The following CCNY variants were observed in gnomAD, a reference collection of about 807,000 sequenced individuals.
The protein encoded by CCNY is cyclin-Y.
In CCNY, 19 loss-of-function variants were observed where a neutral mutation model predicts 42.8. The observed-to-expected ratio is 0.44, with a 90% CI of 0.31 to 0.65. The LOEUF is 0.65. CCNY is among the 30% of genes least tolerant of loss of function. The pLI, the probability that CCNY is intolerant of heterozygous loss-of-function variation, is 0.07. For synonymous variants in CCNY, 165 were observed against 162.7 expected (o/e 1.01, Z -0.11); for missense variants, 370 against 437.3 (o/e 0.85, Z 1.37).
chr10:35,424,238 C>T (rs527519839), intron 1 of CCNY, among the ~76,000 whole-genome samples: 1 of 152,208 alleles, frequency 6.6e-6, no homozygotes, highest in South Asian at 2.1e-4. Context: ...CTTTTCTTTT[C>T]TTTTTGAGAC....
chr10:35,482,953 A>G (rs1438593973), intron 1 of CCNY, among the ~76,000 whole-genome samples: 2 of 152,038 alleles, frequency 1.3e-5, no homozygotes, highest in Non-Finnish European at 2.9e-5. Context: ...TTTTTCAGAA[A>G]ATAATTAAGC....
chr10:35,558,323 A>G (rs978620322), intron 8 of CCNY, among the ~76,000 whole-genome samples: 1 of 152,256 alleles, frequency 6.6e-6, no homozygotes, highest in African/African-American at 2.4e-5. Flanking sequence ...GAACCTGCAC[A>G]CACAGATTTG....
At position 35,518,958 on chromosome 10, in the gene CCNY, A is replaced by G. The variant is rs532180087; in HGVS notation, c.365+2335A>G. 4.1e-5 allele frequency among the ~76,000 whole-genome samples: 6 copies of G among 147,484 alleles called. No individual in the cohort carries two copies. In the South Asian group the frequency reaches 1.3e-3, roughly 32 times the overall value. On this transcript the variant is annotated intron_variant, in intron 4 of 9. Coordinates refer to ENST00000374704, the MANE Select transcript of CCNY (RefSeq NM_145012.6). ...AATCTGGCTGAGGTATACTGTGGGTATCTGGATTTTTAACAGATCTTGATT... is the reference window on the plus strand; with the variant it reads ...AATCTGGCTGAGGTATACTGTGGGTGTCTGGATTTTTAACAGATCTTGATT...
In CCNY at chr10:35,304,308, T is replaced by TTA. The variant is rs1170823913; in HGVS notation, c.-9+53683_-9+53684insAT. On this transcript the variant is annotated intron_variant, in intron 3 of 11. Transcript: ENST00000374706. The stretch of plus-strand genomic sequence containing the variant: ...TTTCTCCTTTTATTTTTTTTTTTTT[T>TTA]TTATTTTTTATTTTTTTTTGAGACG... 1.8e-5 allele frequency among the ~76,000 whole-genome samples: 2 copies of TTA among 108,460 alleles called. 1 individual carries two copies. Among genetic ancestry groups the TTA allele is most frequent in the African/African-American group, 9.3e-5 (2 of 21,414 alleles). The allele number at this position is 108,460 out of a possible 152,430, so 71.2% of individuals were successfully genotyped here.
intron 1 of CCNY, among the ~76,000 whole-genome samples, chr10:35,381,684 C>T (rs1181841479): frequency 6.6e-6 from 1 of 152,052 alleles, no homozygotes; most frequent in Non-Finnish European, 1.5e-5. Context: ...TCCAGAGTAA[C>T]TTCTTAAGAC....
chr10:35,357,751 C>T (rs1214313226), intron 1 of CCNY, among the ~76,000 whole-genome samples: 1 of 152,070 alleles, frequency 6.6e-6, no homozygotes, highest in Non-Finnish European at 1.5e-5. Context: ...TGTAAATATT[C>T]GATTTCTTAT....
chr10:35,333,261 A>G (rs1184512113), upstream of CCNY, among the ~76,000 whole-genome samples: 1 of 152,180 alleles, frequency 6.6e-6, no homozygotes, highest in Non-Finnish European at 1.5e-5. Context: ...CTATTGAGGA[A>G]CTGTCTCTGT....
chr10:35,510,128 A>C (rs1289203913), intron 3 of CCNY, among the ~76,000 whole-genome samples: 1 of 151,918 alleles, frequency 6.6e-6, no homozygotes, highest in South Asian at 2.1e-4. Context: ...AAAATTGTGG[A>C]GCTTTCATAT....
intron 3 of CCNY, among the ~76,000 whole-genome samples, chr10:35,262,257 CA>C (rs1184383605): frequency 3.9e-3 from 97 of 25,096 alleles, no homozygotes; most frequent in Middle Eastern, 0.025. Flanking sequence ...AACTCTGTCT[CA>C]AAAAAAAAAA....
intron 3 of CCNY, among the ~76,000 whole-genome samples, chr10:35,294,587 C>G (rs1363625316): frequency 6.6e-6 from 1 of 152,154 alleles, no homozygotes; most frequent in Admixed American, 6.5e-5. Context: ...TGTTAAACCA[C>G]CTTTGCATTT....
chr10:35,480,434 C>T (rs752189493), intron 1 of CCNY, among the ~76,000 whole-genome samples: 12 of 152,054 alleles, frequency 7.9e-5, no homozygotes, highest in Admixed American at 3.3e-4. Flanking sequence ...TGGTGGAGGG[C>T]GAGGGTGCCA....
chr10:35,370,384 C>T (rs1336015064), intron 1 of CCNY, among the ~76,000 whole-genome samples: 2 of 152,074 alleles, frequency 1.3e-5, no homozygotes, highest in Non-Finnish European at 2.9e-5. Flanking sequence ...ATCTCCTGAC[C>T]TTGTGATCCG....
At chr10:35,412,632 C>T (rs1054570146) in intron 1 of CCNY, among the ~76,000 whole-genome samples, 1 of 151,270 alleles carries the variant, frequency 6.6e-6, no homozygotes, top group Non-Finnish European at 1.5e-5. Context: ...GGGTAGATTG[C>T]CTGAACTCAG....
rs867490720 is a variant in CCNY at position 35,524,435 on chromosome 10, G to A, written c.366-1529G>A. On this transcript the variant is annotated intron_variant, in intron 4 of 9. Coordinates refer to ENST00000374704, the MANE Select transcript of CCNY (RefSeq NM_145012.6). ...GAGGTTTGGAAGAATATAAGAGAGT[G>A]AGATTAGCTACTGTCATGTTAAGTC... Among the ~76,000 whole-genome samples the A allele has an allele frequency of 9.2e-5, 14 of 152,324 alleles. 2 individuals are homozygous for A. The South Asian group carries it at 2.9e-3, about 32-fold the overall frequency.
At chr10:35,419,009 T>C (rs3013356) in intron 1 of CCNY, among the ~76,000 whole-genome samples, 11,925 of 151,998 alleles carry the variant, frequency 0.078, 839 homozygotes, top group African/African-American at 0.19. Context: ...TTAGTAGAGA[T>C]GGGGTTTCAC....
chr10:35,409,729 CT>C (rs576923272), intron 1 of CCNY, among the ~76,000 whole-genome samples: 45 of 152,270 alleles, frequency 3.0e-4, no homozygotes, highest in African/African-American at 1.1e-3. Context: ...TTTCCTGCCC[CT>C]ATGTGAAAAA....
chr10:35,301,883 T>A (rs1052601598), intron 3 of CCNY, among the ~76,000 whole-genome samples: 3 of 152,184 alleles, frequency 2.0e-5, no homozygotes, highest in Non-Finnish European at 4.4e-5. Context: ...TCTGCCCGCC[T>A]CGGCCTCCCA....
intron 1 of CCNY, among the ~76,000 whole-genome samples, chr10:35,419,113 G>A (rs780391265): frequency 2.2e-4 from 34 of 152,198 alleles, no homozygotes; most frequent in Middle Eastern, 6.8e-3. Flanking sequence ...GCACCCGGGT[G>A]GGATATAATA....
At chr10:35,430,043 A>G (rs1262628203) in intron 1 of CCNY, among the ~76,000 whole-genome samples, 1 of 152,190 alleles carries the variant, frequency 6.6e-6, no homozygotes, top group South Asian at 2.1e-4. Context: ...ATTACAAAAA[A>G]AAAGTGATGA....
Sources: gnomAD v4.1 joint callset for allele counts (sites outside exome capture counted in the v4.1 genomes callset) on GRCh38, gnomAD v4.1.1 for gene constraint, MANE v1.5 for transcripts, NCBI Gene and HGNC (gene_info 2026-07-23, HGNC 2026-07-21) for gene names.